THSD7A: variants seen among roughly 807,000 people sequenced by gnomAD.
The protein encoded by THSD7A is thrombospondin type-1 domain-containing protein 7A.
A neutral mutation model predicts 231.3 loss-of-function variants in THSD7A; 96 were observed. The observed-to-expected ratio is 0.41, with a 90% CI of 0.35 to 0.49. The LOEUF (loss-of-function observed/expected upper bound fraction) is 0.49, where lower values mean the gene tolerates loss of function less well. Among genes scored for constraint, THSD7A ranks in the 20% least tolerant of loss-of-function variants. The probability of loss-of-function intolerance (pLI) is 0.05; values close to 1 mark genes in which losing one functional copy is unlikely to be tolerated. For missense variants in THSD7A, 2,290 were observed against 2,070.2 expected, an observed-to-expected ratio of 1.11 and a Z score of -2.06; for synonymous variants, 940 against 743.3, an observed-to-expected ratio of 1.26 and a Z score of -4.30.
At chr7:11,510,507 T>G (rs911513629) in intron 6 of THSD7A, among the ~76,000 whole-genome samples, 3 of 152,050 alleles carry the variant, frequency 2.0e-5, no homozygotes, top group African/African-American at 7.2e-5. Context: ...CTGAGGAACA[T>G]CGATGAAAAA....
chr7:11,438,113 C>A (rs764875737), intron 13 of THSD7A, among the ~76,000 whole-genome samples: 4 of 151,824 alleles, frequency 2.6e-5, no homozygotes, highest in Non-Finnish European at 4.4e-5. Flanking sequence ...TGATACAAAA[C>A]AGTGTTTCAT....
intron 1 of THSD7A, among the ~76,000 whole-genome samples, chr7:11,662,609 C>G (rs76606419): frequency 1.3e-5 from 2 of 151,264 alleles, no homozygotes; most frequent in Non-Finnish European, 3.0e-5. Context: ...TACTGCATAA[C>G]GAATACCATT....
intron 3 of THSD7A, 45 bp downstream of exon 3, chr7:11,593,209 C>G (rs753459152): frequency 1.1e-5 from 18 of 1,597,398 alleles, no homozygotes; most frequent in Non-Finnish European, 1.4e-5. Flanking sequence ...AATAGCTGAG[C>G]AAATGTAGTT....
intron 1 of THSD7A, among the ~76,000 whole-genome samples, chr7:11,674,833 C>T (rs948836128): frequency 2.6e-5 from 4 of 152,076 alleles, no homozygotes; most frequent in Non-Finnish European, 5.9e-5. Context: ...TCTGAAATAA[C>T]AGACACAGAA....
intron 19 of THSD7A, 57 bp from the exon 20 acceptor site, chr7:11,407,480 G>A: frequency 7.8e-7 from 1 of 1,285,420 alleles, no homozygotes. Flanking sequence ...GGGAGCCAGA[G>A]AATGAGGTGA....
At chr7:11,441,798 G>A (rs771565616) in intron 13 of THSD7A, among the ~76,000 whole-genome samples, 1 of 152,000 alleles carries the variant, frequency 6.6e-6, no homozygotes, top group Non-Finnish European at 1.5e-5. Flanking sequence ...ATGGACAGAA[G>A]GGAGGGGAAC....
intron 1 of THSD7A, among the ~76,000 whole-genome samples, chr7:11,678,285 C>T (rs1392443452): frequency 1.3e-5 from 2 of 151,998 alleles, no homozygotes; most frequent in African/African-American, 4.8e-5. Flanking sequence ...ATTAAAAGAA[C>T]TAGAGAATCA....
At chr7:11,409,289 G>A (rs1189950169) in intron 19 of THSD7A, among the ~76,000 whole-genome samples, 3 of 152,182 alleles carry the variant, frequency 2.0e-5, no homozygotes, top group Non-Finnish European at 4.4e-5. Context: ...CTTTGTGGCT[G>A]TTAGGGAAGC....
chr7:11,757,603 A>T (rs1782727007), intron 1 of THSD7A, among the ~76,000 whole-genome samples: 3 of 152,028 alleles, frequency 2.0e-5, no homozygotes, highest in Admixed American at 2.0e-4. Flanking sequence ...AATCCTCTAA[A>T]TAACTACCAT....
rs79806209 is a variant in THSD7A at position 11,776,160 on chromosome 7, A to G, written c.190+55597T>C. The stretch of plus-strand genomic sequence containing the variant: ...GCAAACTAAAAATGATTTCCTGGAT[A>G]GCCCCTTTTGGAGGGGAAATGCCTC... On this transcript the variant is annotated intron_variant, in intron 1 of 27. Coordinates refer to ENST00000423059, the MANE Select transcript of THSD7A (RefSeq NM_015204.3). Among the ~76,000 whole-genome samples the G allele has an allele frequency of 2.0e-3, 298 of 152,322 alleles. 6 individuals carry two copies. In the East Asian group the frequency reaches 0.037, roughly 19 times the overall value.
chr7:11,812,586 G>A (rs982209286), intron 1 of THSD7A, among the ~76,000 whole-genome samples: 25 of 152,038 alleles, frequency 1.6e-4, no homozygotes, highest in African/African-American at 2.9e-4. Context: ...TTCAAAACAC[G>A]TCTGTAATCA....
At chr7:11,610,576 G>T (rs996601892) in intron 2 of THSD7A, among the ~76,000 whole-genome samples, 2 of 152,088 alleles carry the variant, frequency 1.3e-5, no homozygotes, top group African/African-American at 4.8e-5. Context: ...AATGTAGGAT[G>T]AACACAATTT....
At chr7:11,762,709 T>C (rs1782904420) in intron 1 of THSD7A, among the ~76,000 whole-genome samples, 1 of 152,204 alleles carries the variant, frequency 6.6e-6, no homozygotes, top group Non-Finnish European at 1.5e-5. Flanking sequence ...TGTTGATTGT[T>C]TCTTTTGCTG....
intron 17 of THSD7A, among the ~76,000 whole-genome samples, chr7:11,413,569 C>T (rs950025043): frequency 6.6e-6 from 1 of 152,134 alleles, no homozygotes; most frequent in Admixed American, 6.5e-5. Flanking sequence ...CTTAGTTATT[C>T]CTGGGTTTTC....
chr7:11,509,186 T>TTA (rs1363972647), intron 6 of THSD7A, among the ~76,000 whole-genome samples: 2 of 152,220 alleles, frequency 1.3e-5, no homozygotes, highest in Non-Finnish European at 2.9e-5. Context: ...TTTAATGTTT[T>TTA]TAGCTTTCTA....
chr7:11,644,142 T>C (rs778804467), intron 1 of THSD7A, among the ~76,000 whole-genome samples: 9 of 151,984 alleles, frequency 5.9e-5, no homozygotes, highest in Admixed American at 4.6e-4. Flanking sequence ...ATTCACAATA[T>C]CCTTCCCTGT....
At chr7:11,386,428 A>C (rs1782746814) in intron 23 of THSD7A, among the ~76,000 whole-genome samples, 1 of 152,180 alleles carries the variant, frequency 6.6e-6, no homozygotes, top group South Asian at 2.1e-4. Flanking sequence ...GTGAGATGGT[A>C]TCTCATTGTG....
At position 11,375,584 on chromosome 7, in the gene THSD7A, CTATAATTCTCACGGT is replaced by C. The variant is rs1243643168; in HGVS notation, c.*195_*209del. The C allele has an allele frequency of 5.1e-6, 2 of 391,478 alleles. No individual in the cohort carries two copies. Among genetic ancestry groups the C allele is most frequent in the Non-Finnish European group, 9.1e-6 (2 of 220,030 alleles). 24.3% of individuals were successfully genotyped at this position (391,478 alleles called of 1,614,324 possible). On this transcript the variant is annotated 3_prime_UTR_variant, in exon 28 of 28. Coordinates refer to ENST00000423059, the MANE Select transcript of THSD7A (RefSeq NM_015204.3). ...TGCAGCATGTATTCAGCTAAATCTC[CTATAATTCTCACGGT>C]TGATGGTCTGTATATAAGTGGTACT... is the stretch of plus-strand genomic sequence containing the variant.
In THSD7A at chr7:11,808,513, C is replaced by T. The variant is rs563143768; in HGVS notation, c.190+23244G>A. Reference sequence around the variant, plus strand: ...CCCAGTATTGGGTATTCTGTTATAGCAGCACAAAATGAATTAAGGCACAAC... The same window carrying T: ...CCCAGTATTGGGTATTCTGTTATAGTAGCACAAAATGAATTAAGGCACAAC... On this transcript the variant is annotated intron_variant, in intron 1 of 27. Transcript: ENST00000423059. 9.2e-5 allele frequency among the ~76,000 whole-genome samples: 14 copies of T among 152,150 alleles called. No individual in the cohort carries two copies. In the South Asian group the frequency reaches 1.3e-3, roughly 14 times the overall value.
Sources: allele counts gnomAD v4.1 joint callset (sites outside exome capture counted in the v4.1 genomes callset), GRCh38; gene constraint gnomAD v4.1.1; transcripts MANE v1.5; gene names NCBI Gene and HGNC (gene_info 2026-07-23, HGNC 2026-07-21).